The following PROCA1 variants were observed in gnomAD, a reference collection of about 807,000 sequenced individuals.
PROCA1 encodes protein interacting with cyclin A1.
A neutral mutation model predicts 23.2 loss-of-function variants in PROCA1; 22 were observed. The observed-to-expected ratio is 0.95, with a 90% CI of 0.68 to 1.35. The LOEUF (loss-of-function observed/expected upper bound fraction) is 1.35, where lower values mean the gene tolerates loss of function less well. Among genes scored for constraint, PROCA1 ranks in the 40% most tolerant of loss-of-function variants. The pLI, the probability that PROCA1 is intolerant of heterozygous loss-of-function variation, is 0.00. For missense variants in PROCA1, 469 were observed against 459.8 expected (o/e 1.02, Z -0.18); for synonymous variants, 182 against 179.2 (o/e 1.02, Z -0.12).
At position 28,705,080 on chromosome 17, in the gene PROCA1, CCT is replaced by C. The variant is rs2032400393; in HGVS notation, c.176-239_176-238del. ...CAAGCCCCCTGCAGTCCTGTGATTC[CCT>C]GTTACTTCTGTCCTCTCCCTCCAGT... On this transcript the variant is annotated intron_variant, in intron 2 of 4. Transcript: ENST00000682792. 71 of 455,332 alleles carry C rather than the reference CCT, an allele frequency of 1.6e-4. 2 individuals carry two copies. In the South Asian group the frequency reaches 2.0e-3, roughly 13 times the overall value. 28.2% of individuals were successfully genotyped at this position (455,332 alleles called of 1,614,324 possible).
chr17:28,706,604 A>G (rs1340945564), intron 2 of PROCA1, 76 bp downstream of exon 2: 1 of 1,084,874 alleles, frequency 9.2e-7, no homozygotes, highest in East Asian at 6.0e-5. Context: ...CCTCAGGACC[A>G]AGCTTCCACC....
At chr17:28,711,470 GCC>G (rs760200019) in intron 1 of PROCA1, 98 bp downstream of exon 1, 4 of 992,178 alleles carry the variant, frequency 4.0e-6, no homozygotes. Flanking sequence ...TCGTTGGTTT[GCC>G]CGTCTCCCTC....
chr17:28,710,506 C>CAAAAA (rs71278535), intron 1 of PROCA1, among the ~76,000 whole-genome samples: 4 of 30,730 alleles, frequency 1.3e-4, no homozygotes, highest in East Asian at 9.1e-4. Flanking sequence ...GATTCCATCT[C>CAAAAA]AAAAAAAAAA....
intron 1 of PROCA1, among the ~76,000 whole-genome samples, chr17:28,708,729 A>AG (rs1184115915): frequency 6.8e-6 from 1 of 146,634 alleles, no homozygotes; most frequent in East Asian, 2.1e-4. Flanking sequence ...CTCCAGAAAA[A>AG]GGAAAAAAAA....
rs1414918364 is a variant in PROCA1 at position 28,706,780 on chromosome 17, T to G, written c.92-17A>C. The G allele has an allele frequency of 4.6e-6, 6 of 1,302,170 alleles. No homozygotes were observed. Among genetic ancestry groups the G allele is most frequent in the Non-Finnish European group, 5.1e-6 (5 of 988,636 alleles). 80.7% of individuals were successfully genotyped at this position (1,302,170 alleles called of 1,614,324 possible). On this transcript the variant is annotated splice_polypyrimidine_tract_variant and intron_variant, in intron 1 of 4. Transcript: ENST00000682792. ...TGTTTACATCTGAGAGAGCATAGAG[T>G]GGCAGTGGTGGCAGCAGCCCCCTCC...
chr17:28,707,103 A>G, intron 1 of PROCA1: 1 of 286,444 alleles, frequency 3.5e-6, no homozygotes, highest in Non-Finnish European at 7.1e-6. Flanking sequence ...GAGCATCACT[A>G]GAGTTAGTGA....
intron 1 of PROCA1, among the ~76,000 whole-genome samples, chr17:28,709,154 T>C (rs1262866747): frequency 1.3e-5 from 2 of 152,262 alleles, no homozygotes; most frequent in African/African-American, 4.8e-5. Context: ...TTCCATAGCC[T>C]ATGCTCTTTC....
At chr17:28,708,736 A>AAAAAAAAAAAAAC (rs1472598931) in intron 1 of PROCA1, among the ~76,000 whole-genome samples, 1 of 151,876 alleles carries the variant, frequency 6.6e-6, no homozygotes, top group African/African-American at 2.4e-5. Context: ...AAAAGGAAAA[A>AAAAAAAAAAAAAC]AAAAAAAAAA....
Position 28,703,366 on chromosome 17 carries a change from C to G in PROCA1, c.*192G>C, listed in dbSNP as rs1597726985. 11 of 619,588 alleles carry G rather than the reference C, an allele frequency of 1.8e-5. No individual in the cohort carries two copies. The East Asian group carries it at 2.7e-4, about 15-fold the overall frequency. 38.4% of individuals were successfully genotyped at this position (619,588 alleles called of 1,614,324 possible). A position where few individuals can be genotyped will look rare whatever the true frequency, so the allele number is the denominator to read the frequency against. On this transcript the variant is annotated 3_prime_UTR_variant, in exon 5 of 5. Coordinates refer to ENST00000682792, the MANE Select transcript of PROCA1 (RefSeq NM_001366301.1). ...GCAGGTAGGAAGAAATAGGGCTGTG[C>G]CCCTTCCTTTCCCTCCCACCTGCCT...
chr17:28,706,472 C>A, intron 2 of PROCA1: 1 of 274,480 alleles, frequency 3.6e-6, no homozygotes, highest in Non-Finnish European at 7.6e-6. Context: ...TACTTATGTG[C>A]CATAAAGTTC....
chr17:28,711,345 G>T, intron 1 of PROCA1: 3 of 558,944 alleles, frequency 5.4e-6, no homozygotes, highest in South Asian at 5.3e-5. Context: ...ACCCAGCAGG[G>T]CCTCAGGACC....
In PROCA1 at chr17:28,704,097, G is replaced by A; in HGVS notation, c.556C>T (p.Pro186Ser). ...EEEEEEESKP[P>S]IPTQVGPATA... is the part of the protein sequence containing the mutation. ...GCGGGCCCCACCTGTGTCGGGATGG[G>A]GGGCTTGCTTTCCTCCTCCTCCTCT... Residue 186 changes from proline (P) to serine (S), a missense_variant, in exon 5 of 5, where the codon CCC becomes TCC. By Grantham distance (74) the Pro-to-Ser change is moderately conservative. Coordinates refer to ENST00000682792, the MANE Select transcript of PROCA1 (RefSeq NM_001366301.1). 6.3e-7 allele frequency: 1 copy of A among 1,585,210 alleles called. No homozygotes were observed. Among genetic ancestry groups the A allele is most frequent in the African/African-American group, 1.4e-5 (1 of 73,272 alleles).
At position 28,706,734 on chromosome 17, in the gene PROCA1, C is replaced by G. The variant is rs563545838; in HGVS notation, c.121G>C (p.Gly41Arg). Residue 41 changes from glycine (G) to arginine (R), a missense_variant, in exon 2 of 5, where the codon GGA (glycine) becomes CGA (arginine). Coordinates refer to ENST00000682792, the MANE Select transcript of PROCA1 (RefSeq NM_001366301.1). ...GACGCCACACCAGCCAGCAGATGTC[C>G]TCTCTCCCAGCTGGGTAACCTGTTT... is the stretch of plus-strand genomic sequence containing the variant. ...DVNRLPSWER[G>R]HLLAGVASST... 229 of 1,303,798 alleles carry G rather than the reference C, an allele frequency of 1.8e-4. 2 individuals are homozygous for G. The South Asian group carries it at 2.7e-3, about 15-fold the overall frequency. The allele number at this position is 1,303,798 out of a possible 1,614,324, so 80.8% of individuals were successfully genotyped here.
At position 28,703,396 on chromosome 17, in the gene PROCA1, A is replaced by G. The variant is rs763118172; in HGVS notation, c.*162T>C. ...TCCTTTCCCTCCCACCTGCCTTCCC[A>G]TGGGCTTCCTTTGTGAAAGCTGGAT... On this transcript the variant is annotated 3_prime_UTR_variant, in exon 5 of 5. Coordinates refer to ENST00000682792, the MANE Select transcript of PROCA1 (RefSeq NM_001366301.1). 2 of 713,700 alleles carry G rather than the reference A, an allele frequency of 2.8e-6. No individual in the cohort carries two copies. The highest frequency in any genetic ancestry group is 2.6e-5 in the East Asian group (1 of 38,682). 44.2% of individuals were successfully genotyped at this position (713,700 alleles called of 1,614,324 possible).
Position 28,704,399 on chromosome 17 carries a change from C to T in PROCA1, c.348G>A (p.Arg116=). Residue 116 remains arginine, a synonymous_variant, in exon 4 of 5, where the codon CGG becomes CGA. Transcript: ENST00000682792. ...KDSSEDSSSS[R]GAGPTCSHVI... is the part of the protein sequence containing the mutation. ...CATGGGAGCAGGTTGGGCCCGCGCC[C>T]CGGGAGCTGCTGCTATCCTCTGAAG... 1 of 1,613,878 alleles carries T rather than the reference C, an allele frequency of 6.2e-7. No individual in the cohort carries two copies. Among genetic ancestry groups the T allele is most frequent in the South Asian group, 1.1e-5 (1 of 91,062 alleles).
chr17:28,704,665 G>T, intron 3 of PROCA1, 43 bp downstream of exon 3: 1 of 1,609,956 alleles, frequency 6.2e-7, no homozygotes, highest in South Asian at 1.1e-5. Flanking sequence ...TGAAAGTTCG[G>T]ACCTGGCTCT....
chr17:28,707,148 G>C (rs1317364825), intron 1 of PROCA1: 1 of 244,150 alleles, frequency 4.1e-6, no homozygotes, highest in Non-Finnish European at 8.4e-6. Context: ...GGCAAGGAGG[G>C]ACAGCTCCAG....
intron 3 of PROCA1, 133 bp downstream of exon 3, chr17:28,704,575 G>A (rs1387766178): frequency 1.3e-6 from 2 of 1,554,080 alleles, no homozygotes; most frequent in Admixed American, 3.7e-5. Flanking sequence ...AGCAGAGCAA[G>A]GTGTGCAGAG....
rs549283775 is a variant in PROCA1, at chr17:28,706,781, G to C, written c.92-18C>G. On this transcript the variant is annotated intron_variant, in intron 1 of 4. Coordinates refer to ENST00000682792, the MANE Select transcript of PROCA1 (RefSeq NM_001366301.1). The stretch of plus-strand genomic sequence containing the variant: ...GTTTACATCTGAGAGAGCATAGAGT[G>C]GCAGTGGTGGCAGCAGCCCCCTCCC... 1.3e-5 allele frequency: 17 copies of C among 1,302,996 alleles called. No individual in the cohort carries two copies. The African/African-American group carries it at 2.3e-4, about 17-fold the overall frequency. The allele number at this position is 1,302,996 out of a possible 1,614,324, so 80.7% of individuals were successfully genotyped here.
Sources: gnomAD v4.1 joint callset for allele counts (sites outside exome capture counted in the v4.1 genomes callset) on GRCh38, gnomAD v4.1.1 for gene constraint, MANE v1.5 for transcripts, NCBI Gene and HGNC (gene_info 2026-07-23, HGNC 2026-07-21) for gene names.